Variants in PI4KA observed in about 807,000 individuals in gnomAD.
PI4KA encodes the protein phosphatidylinositol 4-kinase alpha, also known as PI4-kinase alpha.
PI4KA carries 122 observed loss-of-function variants against 271.4 expected under a neutral mutation model. That is an observed-to-expected ratio of 0.45 (90% CI 0.39 to 0.52). The LOEUF is 0.52. Ranked by LOEUF, PI4KA falls within the 20% of genes least tolerant of loss-of-function variation. PI4KA has a pLI of 0.00. For synonymous variants in PI4KA, 1,041 were observed against 1,078.8 expected (o/e 0.96, Z 0.69); for missense variants, 1,969 against 2,769.1 (o/e 0.71, Z 6.48).
At chr22:20,727,097 A>C in intron 41 of PI4KA, 133 bp downstream of exon 41, 1 of 689,504 alleles carries the variant, frequency 1.5e-6, no homozygotes, top group Non-Finnish European at 2.3e-6. Flanking sequence ...CAACTACTTG[A>C]GCAAAAAACA....
At chr22:20,718,617 C>T (rs2147194185) in intron 44 of PI4KA, 76 bp downstream of exon 44, 13 of 1,533,980 alleles carry the variant, frequency 8.5e-6, no homozygotes, top group Middle Eastern at 4.7e-4. Context: ...ATTTTTAAAG[C>T]TTCCCAGGCA....
In PI4KA at chr22:20,722,073, C is replaced by A. The variant is rs1157682403; in HGVS notation, c.4996-655G>T. 2.0e-5 allele frequency: 3 copies of A among 152,380 alleles called. No individual in the cohort carries two copies. The East Asian group carries it at 5.8e-4, about 29-fold the overall frequency. The allele number at this position is 152,380 out of a possible 1,614,324, so 9.4% of individuals were successfully genotyped here. ...CTCTTTCGCTTGCTGCCAGGTAAGA[C>A]GGACCTACTTCCCCTTCCACCATGA... On this transcript the variant is annotated intron_variant, in intron 42 of 54. Transcript: ENST00000255882.
At chr22:20,783,857 C>A in intron 19 of PI4KA, 1 of 1,370,380 alleles carries the variant, frequency 7.3e-7, no homozygotes, top group Non-Finnish European at 1.0e-6. Flanking sequence ...ACTGTGGGGT[C>A]GGCTCTGCAG....
At position 20,734,430 on chromosome 22, in the gene PI4KA, G is replaced by A; in HGVS notation, c.3865C>T (p.Pro1289Ser). The change falls in exon 33 of 55, where the codon CCC (proline) becomes TCC (serine). Residue 1289 changes from proline to serine, a missense_variant. Physicochemically the swap from Pro to Ser is moderately conservative, Grantham distance 74 (BLOSUM62 -1). This residue lies in a region of PI4KA where 203 missense variants were observed against 256.8 expected (regional missense o/e 0.79). Coordinates refer to ENST00000255882, the MANE Select transcript of PI4KA (RefSeq NM_058004.4). Reference protein sequence around the residue: ...ASEASQPKPCPPEVTPHYIWI... With the variant: ...ASEASQPKPCSPEVTPHYIWI... ...ATGTAGTGGGGGGTCACTTCGGGGGGACAGGGTTTGGGTTGACTTGCTTCC... is the reference window on the plus strand; with the variant it reads ...ATGTAGTGGGGGGTCACTTCGGGGGAACAGGGTTTGGGTTGACTTGCTTCC... 1 of 1,608,252 alleles carries A rather than the reference G, an allele frequency of 6.2e-7. No individual in the cohort carries two copies. Among genetic ancestry groups the A allele is most frequent in the Non-Finnish European group, 8.5e-7 (1 of 1,175,668 alleles).
Position 20,729,927 on chromosome 22 carries a change from AGG to A in PI4KA, c.4371_4372del (p.Leu1458ValfsTer15). The A allele has an allele frequency of 6.2e-7, 1 of 1,614,144 alleles. No individual in the cohort carries two copies. Among genetic ancestry groups the A allele is most frequent in the Non-Finnish European group, 8.5e-7 (1 of 1,180,020 alleles). On this transcript the variant is annotated frameshift_variant, in exon 37 of 55. Transcript: ENST00000255882. LOFTEE classifies it high-confidence loss of function. ...GGAGATGGTGGACATGCCGCTGGAC[AGG>A]GGGTATGTGTTGATCCAGCCTTGGG...
At chr22:20,717,409 G>A (rs1926138515) in intron 45 of PI4KA, among the ~76,000 whole-genome samples, 1 of 152,378 alleles carries the variant, frequency 6.6e-6, no homozygotes. Context: ...TAATGCTGGA[G>A]CCTAGGAACC....
rs752847316 is a variant in PI4KA at position 20,819,727 on chromosome 22, G to A, written c.703C>T (p.Arg235Cys). 6.8e-6 allele frequency: 11 copies of A among 1,613,762 alleles called. No individual in the cohort carries two copies. Among genetic ancestry groups the A allele is most frequent in the East Asian group, 2.2e-5 (1 of 44,890 alleles). ...GVRRRSFNDF[R>C]SILPSNLLTV... ...AGCAGATTGCTGGGGAGGATGGAGC[G>A]GAAGTCATTAAAGGAACGCCTTCGA... The change falls in exon 6 of 55, where the codon CGC (arginine) becomes TGC (cysteine). Residue 235 changes from arginine (R) to cysteine (C), a missense_variant. This residue lies in a region of PI4KA where 540 missense variants were observed against 555.5 expected (regional missense o/e 0.97). Transcript: ENST00000255882.
In PI4KA at chr22:20,729,623, G is replaced by A. The variant is rs1299971434; in HGVS notation, c.4488+9C>T. On this transcript the variant is annotated intron_variant, in intron 38 of 54. Transcript: ENST00000255882. ...GGGCAGCAGGCACAGCTGCACCTGT[G>A]GGCCTTACCAGCAGGGACAGCAGCA... is the stretch of plus-strand genomic sequence containing the variant. The A allele has an allele frequency of 3.8e-6, 6 of 1,563,324 alleles. No homozygotes were observed. Among genetic ancestry groups the A allele is most frequent in the Non-Finnish European group, 5.2e-6 (6 of 1,152,682 alleles).
At chr22:20,765,822 G>A (rs1932473576) in intron 19 of PI4KA, 129 bp from the exon 20 acceptor site, 2 of 639,004 alleles carry the variant, frequency 3.1e-6, no homozygotes, top group Non-Finnish European at 2.9e-6. Flanking sequence ...GGTAGGAAAA[G>A]GCACACTGAG....
chr22:20,853,583 T>C (rs189109597), intron 1 of PI4KA, among the ~76,000 whole-genome samples: 27 of 152,292 alleles, frequency 1.8e-4, no homozygotes, highest in Admixed American at 1.4e-3. Context: ...CTGGGTAGGA[T>C]TTGGTTCAAA....
chr22:20,779,934 C>T lies in PI4KA; in HGVS notation c.2328+13259G>A, dbSNP rs748575674. The T allele has an allele frequency of 5.1e-5, 83 of 1,614,076 alleles. No individual in the cohort carries two copies. The highest frequency in any genetic ancestry group is 6.1e-5 in the Non-Finnish European group (72 of 1,180,048). On this transcript the variant is annotated intron_variant, in intron 19 of 54. Coordinates refer to ENST00000255882, the MANE Select transcript of PI4KA (RefSeq NM_058004.4). ...TAATCTCTTCCGTAAGCTGACTCAT[C>T]GCCTCTTCAGGAGGAATTTTGGGTA...
chr22:20,785,316 T>C (rs1333145248), intron 19 of PI4KA, among the ~76,000 whole-genome samples: 1 of 152,224 alleles, frequency 6.6e-6, no homozygotes, highest in Non-Finnish European at 1.5e-5. Flanking sequence ...GCAGTCCTCC[T>C]GCCTTGGCCT....
intron 43 of PI4KA, among the ~76,000 whole-genome samples, chr22:20,719,958 G>A (rs1188278961): frequency 2.0e-5 from 3 of 149,796 alleles, no homozygotes; most frequent in Non-Finnish European, 3.0e-5. Flanking sequence ...CCTGGGAGGC[G>A]GAGCTTGCAG....
Position 20,719,246 on chromosome 22 carries a change from C to CTTTT in PI4KA, c.5117-428_5117-425dup, listed in dbSNP as rs532552572. Among the ~76,000 whole-genome samples the CTTTT allele has an allele frequency of 7.5e-5, 11 of 145,928 alleles. No individual in the cohort carries two copies. In the Admixed American group the frequency reaches 7.6e-4, roughly 10 times the overall value. On this transcript the variant is annotated intron_variant, in intron 43 of 54. Coordinates refer to ENST00000255882, the MANE Select transcript of PI4KA (RefSeq NM_058004.4). Reference sequence around the variant, plus strand: ...ATTAAACTCTACCCTGAATACATGTCTTTTTTTTTTTTTAATAGAGGCACA... The same window carrying CTTTT: ...ATTAAACTCTACCCTGAATACATGTCTTTTTTTTTTTTTTTTTAATAGAGGCACA...
At chr22:20,716,898 G>A (rs1046088625) in intron 45 of PI4KA, among the ~76,000 whole-genome samples, 1 of 152,214 alleles carries the variant, frequency 6.6e-6, no homozygotes, top group African/African-American at 2.4e-5. Context: ...ACCAGCCGCT[G>A]TGAACATCTG....
intron 53 of PI4KA, 111 bp from the exon 54 acceptor site, chr22:20,709,490 G>A (rs1234742043): frequency 8.0e-6 from 6 of 753,750 alleles, no homozygotes; most frequent in Non-Finnish European, 1.4e-5. Flanking sequence ...GCCACGCCCT[G>A]GAAATGTACC....
At chr22:20,840,199 C>T (rs1925382587) in intron 1 of PI4KA, among the ~76,000 whole-genome samples, 1 of 152,186 alleles carries the variant, frequency 6.6e-6, no homozygotes, top group Non-Finnish European at 1.5e-5. Flanking sequence ...ACAATAGTGC[C>T]TGAAAGACAA....
At chr22:20,734,876 C>A (rs1266661262) in intron 32 of PI4KA, among the ~76,000 whole-genome samples, 1 of 152,138 alleles carries the variant, frequency 6.6e-6, no homozygotes, top group Non-Finnish European at 1.5e-5. Context: ...TTCTCTATAA[C>A]CCTGATAACC....
intron 19 of PI4KA, chr22:20,780,335 CG>C: frequency 7.1e-7 from 1 of 1,400,592 alleles, no homozygotes; most frequent in Non-Finnish European, 1.0e-6. Context: ...GACTCTGGAA[CG>C]GGGACAGGGA....
Sources: gnomAD v4.1 joint callset for allele counts (sites outside exome capture counted in the v4.1 genomes callset) on GRCh38, gnomAD v4.1.1 for gene constraint, gnomAD v4.1.1 regional missense constraint, MANE v1.5 for transcripts, NCBI Gene and HGNC (gene_info 2026-07-23, HGNC 2026-07-21) for gene names.